Variants in LINGO2 observed in about 807,000 individuals in gnomAD.
LINGO2 encodes leucine rich repeat and Ig domain containing 2, also known as leucine-rich repeat and immunoglobulin-like domain-containing nogo receptor-interacting protein 2.
A neutral mutation model predicts 30.6 loss-of-function variants in LINGO2; 14 were observed. The observed-to-expected ratio is 0.46, with a 90% CI of 0.30 to 0.72. The LOEUF (loss-of-function observed/expected upper bound fraction) is 0.72, where lower values mean the gene tolerates loss of function less well. Ranked by LOEUF, LINGO2 falls within the 30% of genes least tolerant of loss-of-function variation. The pLI, the probability that LINGO2 is intolerant of heterozygous loss-of-function variation, is 0.07. For missense variants in LINGO2, 729 were observed against 751.7 expected (o/e 0.97, Z 0.35); for synonymous variants, 317 against 288.5 (o/e 1.10, Z -1.00).
At chr9:28,270,406 C>G (rs532134200) in intron 4 of LINGO2, among the ~76,000 whole-genome samples, 2 of 151,962 alleles carry the variant, frequency 1.3e-5, no homozygotes, top group Non-Finnish European at 2.9e-5. Context: ...ATGATGACCA[C>G]CCGGGGAAAG....
the LINGO2 span, among the ~76,000 whole-genome samples, chr9:28,830,044 A>AAATC: frequency 6.6e-6 from 1 of 152,226 alleles, no homozygotes; most frequent in African/African-American, 2.4e-5. Context: ...GGACATCAGG[A>AAATC]CTAGTCTGTA....
chr9:28,207,630 T>C (rs1564043873), intron 4 of LINGO2, among the ~76,000 whole-genome samples: 1 of 152,048 alleles, frequency 6.6e-6, no homozygotes. Context: ...TTCTTCATCC[T>C]CACCCTGATA....
At chr9:28,776,513 T>C in the LINGO2 span, among the ~76,000 whole-genome samples, 1 of 152,214 alleles carries the variant, frequency 6.6e-6, no homozygotes, top group Admixed American at 6.5e-5. Context: ...ATTTAACCAG[T>C]AGCTATAATC....
the LINGO2 span, among the ~76,000 whole-genome samples, chr9:28,715,061 T>C: frequency 6.6e-6 from 1 of 152,212 alleles, no homozygotes; most frequent in African/African-American, 2.4e-5. Context: ...TCAATAATTC[T>C]AGCATACTGT....
chr9:28,345,430 C>T (rs770767178), intron 3 of LINGO2, among the ~76,000 whole-genome samples: 3 of 152,084 alleles, frequency 2.0e-5, no homozygotes, highest in African/African-American at 7.2e-5. Flanking sequence ...CATCAAACTG[C>T]TAGAACGCCA....
chr9:28,289,561 T>C (rs1823642896), intron 4 of LINGO2, among the ~76,000 whole-genome samples: 2 of 152,198 alleles, frequency 1.3e-5, no homozygotes, highest in Admixed American at 6.5e-5. Context: ...AGGGGAGCTC[T>C]TCCTTTGTGA....
At chr9:28,981,207 G>C in the LINGO2 span, among the ~76,000 whole-genome samples, 10 of 152,054 alleles carry the variant, frequency 6.6e-5, no homozygotes, top group Non-Finnish European at 1.0e-4. Flanking sequence ...AGAACCCTAA[G>C]AGCAATATAG....
At chr9:27,949,367 A>G in exon 6 of LINGO2, 3 of 1,614,084 alleles carry the variant, frequency 1.9e-6, no homozygotes, top group Non-Finnish European at 2.5e-6. Context: ...GCGGGTCTCC[A>G]TCTGCACTGC....
chr9:29,176,486 T>A, the LINGO2 span, among the ~76,000 whole-genome samples: 1 of 152,070 alleles, frequency 6.6e-6, no homozygotes, highest in Non-Finnish European at 1.5e-5. Context: ...ACACTCACAG[T>A]TGGGCTAAGA....
chr9:28,941,049 GA>G, the LINGO2 span, among the ~76,000 whole-genome samples: 3 of 152,158 alleles, frequency 2.0e-5, no homozygotes, highest in African/African-American at 4.8e-5. Context: ...AAGAAGGGAG[GA>G]AAGGAGGAAG....
intron 2 of LINGO2, among the ~76,000 whole-genome samples, chr9:28,380,389 G>A (rs1285788645): frequency 3.2e-5 from 1 of 30,908 alleles, no homozygotes; most frequent in African/African-American, 8.7e-5. Flanking sequence ...TGACTATAAA[G>A]GTTTTTTTTT....
intron 4 of LINGO2, among the ~76,000 whole-genome samples, chr9:28,102,470 G>A (rs1826446674): frequency 6.6e-6 from 1 of 152,024 alleles, no homozygotes; most frequent in Admixed American, 6.6e-5. Flanking sequence ...GAAAACATTT[G>A]CAAGATATTA....
chr9:28,273,454 T>G (rs893784727), intron 4 of LINGO2, among the ~76,000 whole-genome samples: 11 of 152,184 alleles, frequency 7.2e-5, no homozygotes, highest in South Asian at 2.1e-4. Flanking sequence ...AAATGGTCCC[T>G]TAGTATTTTG....
At chr9:27,989,311 T>G (rs1020576110) in intron 5 of LINGO2, among the ~76,000 whole-genome samples, 2 of 151,960 alleles carry the variant, frequency 1.3e-5, no homozygotes, top group African/African-American at 4.8e-5. Context: ...TTGTTCATTT[T>G]TGATTGCCTA....
chr9:28,332,033 C>G (rs1268372893), intron 3 of LINGO2, among the ~76,000 whole-genome samples: 1 of 152,072 alleles, frequency 6.6e-6, no homozygotes, highest in Non-Finnish European at 1.5e-5. Flanking sequence ...AAATAATCAA[C>G]CTAAATGCCA....
chr9:27,955,937 T>TTTC (rs1288698294), intron 5 of LINGO2, among the ~76,000 whole-genome samples: 3 of 60,418 alleles, frequency 5.0e-5, no homozygotes, highest in East Asian at 8.7e-4. Flanking sequence ...GATACTGACT[T>TTTC]TTTTTTTTTT....
the LINGO2 span, among the ~76,000 whole-genome samples, chr9:29,054,416 G>C: frequency 1.3e-5 from 2 of 152,092 alleles, no homozygotes; most frequent in African/African-American, 2.4e-5. Flanking sequence ...AGTTTCTTTG[G>C]ATTTTGTATG....
chr9:28,541,229 G>C (rs985428445), intron 1 of LINGO2, among the ~76,000 whole-genome samples: 2 of 152,052 alleles, frequency 1.3e-5, no homozygotes, highest in African/African-American at 4.8e-5. Flanking sequence ...CTGCAATGAG[G>C]TTCAGTGGTT....
At chr9:28,543,867 A>C (rs1821815150) in intron 1 of LINGO2, among the ~76,000 whole-genome samples, 1 of 152,062 alleles carries the variant, frequency 6.6e-6, no homozygotes. Context: ...TAAGATCTTG[A>C]TTGTGATGTT....
Sources: gnomAD v4.1 joint callset for allele counts (sites outside exome capture counted in the v4.1 genomes callset) on GRCh38, gnomAD v4.1.1 for gene constraint, MANE v1.5 for transcripts, NCBI Gene and HGNC (gene_info 2026-07-23, HGNC 2026-07-21) for gene names.